ZBTB25: variants seen among roughly 807,000 people sequenced by gnomAD.
ZBTB25 encodes zinc finger and BTB domain-containing protein 25.
In ZBTB25, 20 loss-of-function variants were observed where a neutral mutation model predicts 34.2. The ratio of observed to expected loss-of-function variants is 0.58; its 90% CI spans 0.41 to 0.85. The LOEUF (loss-of-function observed/expected upper bound fraction) is 0.85. ZBTB25 is among the 40% of genes least tolerant of loss of function. The pLI, the probability that ZBTB25 is intolerant of heterozygous loss-of-function variation, is 0.00. For missense variants in ZBTB25, 437 were observed against 521.8 expected, an observed-to-expected ratio of 0.84 and a Z score of 1.58; for synonymous variants, 175 against 186.4, an observed-to-expected ratio of 0.94 and a Z score of 0.50.
chr14:64,492,776 C>A (rs2079129523), intron 1 of ZBTB25, among the ~76,000 whole-genome samples: 1 of 152,032 alleles, frequency 6.6e-6, no homozygotes, highest in Non-Finnish European at 1.5e-5. Context: ...ACTTATTCAA[C>A]AGATATTTTT....
In ZBTB25 at chr14:64,484,984, A is replaced by G; in HGVS notation, c.*1939T>C. 2.0e-6 allele frequency: 2 copies of G among 984,678 alleles called. No individual in the cohort carries two copies. The highest frequency in any genetic ancestry group is 2.4e-6 in the Non-Finnish European group (2 of 829,204). The allele number at this position is 984,678 out of a possible 1,614,324, so 61.0% of individuals were successfully genotyped here. A position where few individuals can be genotyped will look rare whatever the true frequency, so the allele number is the denominator to read the frequency against. The stretch of plus-strand genomic sequence containing the variant: ...ATTTGTTTTAATTACTCCCAATACA[A>G]TTGATCTTATCAAGTTAGATGTGCT... On this transcript the variant is annotated 3_prime_UTR_variant, in exon 3 of 3. Coordinates refer to ENST00000608382, the MANE Select transcript of ZBTB25 (RefSeq NM_006977.5).
chr14:64,463,176 T>G (rs2078572187), intron 2 of ZBTB25: 1 of 151,314 alleles, frequency 6.6e-6, no homozygotes, highest in African/African-American at 2.4e-5. Flanking sequence ...GTCACTTACC[T>G]GAATTCAGGA....
At chr14:64,503,251 G>A (rs769125303) in intron 1 of ZBTB25, 17 of 985,314 alleles carry the variant, frequency 1.7e-5, no homozygotes, top group Non-Finnish European at 2.0e-5. Flanking sequence ...AACAGTAGCC[G>A]CAGCGTCCTC....
intron 1 of ZBTB25, among the ~76,000 whole-genome samples, chr14:64,500,700 C>T (rs1596663274): frequency 6.6e-6 from 1 of 151,840 alleles, no homozygotes; most frequent in East Asian, 1.9e-4. Flanking sequence ...GAGGCTGAGG[C>T]AGAAGAATTG....
exon 3 of ZBTB25, chr14:64,449,318 A>T: frequency 1.8e-6 from 2 of 1,138,124 alleles, no homozygotes; most frequent in Non-Finnish European, 2.6e-6. Context: ...ATTCAAACCC[A>T]GGCCAAATTT....
intron 1 of ZBTB25, among the ~76,000 whole-genome samples, chr14:64,500,943 C>T (rs947534481): frequency 2.0e-5 from 3 of 152,046 alleles, no homozygotes; most frequent in Admixed American, 1.3e-4. Flanking sequence ...CCCAGCTACT[C>T]GGGAGGCTGA....
intron 1 of ZBTB25, among the ~76,000 whole-genome samples, chr14:64,491,704 G>A (rs900218362): frequency 1.3e-5 from 2 of 152,152 alleles, no homozygotes; most frequent in African/African-American, 4.8e-5. Flanking sequence ...CTACTGTGGA[G>A]AGAGCCCTGG....
intron 2 of ZBTB25, among the ~76,000 whole-genome samples, chr14:64,489,116 C>T (rs1359492816): frequency 4.0e-5 from 6 of 151,818 alleles, no homozygotes; most frequent in South Asian, 4.2e-4. Context: ...GGTGTGGTGG[C>T]GCACACCTGT....
At chr14:64,451,094 G>A (rs998060598) in intron 2 of ZBTB25, among the ~76,000 whole-genome samples, 2 of 152,000 alleles carry the variant, frequency 1.3e-5, no homozygotes, top group East Asian at 2.0e-4. Context: ...GCTTGAACCC[G>A]GGAGGCGGAC....
chr14:64,454,780 C>A, intron 2 of ZBTB25: 1 of 1,614,004 alleles, frequency 6.2e-7, no homozygotes, highest in Non-Finnish European at 8.5e-7. Context: ...GTCTCACAAC[C>A]CAGAGCAAAA....
upstream of ZBTB25, chr14:64,504,773 G>C (rs2079611844): frequency 2.6e-6 from 1 of 378,878 alleles, no homozygotes; most frequent in Non-Finnish European, 4.7e-6. Context: ...GTCCTTTGTT[G>C]CAGCACAGTC....
intron 2 of ZBTB25, chr14:64,453,671 T>G: frequency 1.2e-6 from 1 of 806,978 alleles, no homozygotes; most frequent in Non-Finnish European, 2.2e-6. Context: ...TTAGGGACTC[T>G]GACCTAGAAT....
intron 2 of ZBTB25, chr14:64,468,883 A>G: frequency 5.6e-6 from 9 of 1,614,186 alleles, no homozygotes; most frequent in South Asian, 1.1e-5. Context: ...TTTTGGATAT[A>G]CAAACACAGA....
At chr14:64,500,723 A>G (rs1374737175) in intron 1 of ZBTB25, among the ~76,000 whole-genome samples, 2 of 151,910 alleles carry the variant, frequency 1.3e-5, no homozygotes, top group African/African-American at 2.4e-5. Flanking sequence ...AATAAGGGGG[A>G]AAAACTCAAA....
Position 64,482,818 on chromosome 14 carries a change from T to A in ZBTB25, c.*4105A>T, listed in dbSNP as rs969430103. On this transcript the variant is annotated 3_prime_UTR_variant, in exon 3 of 3. Transcript: ENST00000608382. ...AGCTACAGAATAAATGTCGTTTATA[T>A]GGTTGATTTTAATCAATAATACTGA... The A allele has an allele frequency of 2.0e-5, 3 of 152,246 alleles. No individual in the cohort carries two copies. Among genetic ancestry groups the A allele is most frequent in the African/African-American group, 7.2e-5 (3 of 41,458 alleles). The allele number at this position is 152,246 out of a possible 1,614,324, so 9.4% of individuals were successfully genotyped here.
At chr14:64,463,437 A>T (rs2078577043) in intron 2 of ZBTB25, 1 of 152,062 alleles carries the variant, frequency 6.6e-6, no homozygotes, top group African/African-American at 2.4e-5. Flanking sequence ...AATACTAAAT[A>T]AATTCATCTC....
At position 64,480,648 on chromosome 14, in the gene ZBTB25, A is replaced by G. The variant is rs2078776372; in HGVS notation, c.*6275T>C. The G allele has an allele frequency of 6.4e-6, 1 of 156,534 alleles. No individual in the cohort carries two copies. Among genetic ancestry groups the G allele is most frequent in the African/African-American group, 2.4e-5 (1 of 41,480 alleles). 9.7% of individuals were successfully genotyped at this position (156,534 alleles called of 1,614,324 possible). A position where few individuals can be genotyped will look rare whatever the true frequency, so the allele number is the denominator to read the frequency against. ...TTAAGTCACATTAATTTGTCTTGATAAAATATATGAAATTCATTGTTTCTT... is the reference window on the plus strand; with the variant it reads ...TTAAGTCACATTAATTTGTCTTGATGAAATATATGAAATTCATTGTTTCTT... On this transcript the variant is annotated 3_prime_UTR_variant, in exon 3 of 3. Coordinates refer to ENST00000608382, the MANE Select transcript of ZBTB25 (RefSeq NM_006977.5).
upstream of ZBTB25, chr14:64,504,812 G>A: frequency 2.6e-6 from 1 of 389,358 alleles, no homozygotes; most frequent in Non-Finnish European, 4.5e-6. Context: ...TCTCCGCGCA[G>A]CCCAGCCCGA....
chr14:64,450,103 A>G (rs2078346521), intron 2 of ZBTB25, among the ~76,000 whole-genome samples: 1 of 152,208 alleles, frequency 6.6e-6, no homozygotes, highest in Non-Finnish European at 1.5e-5. Context: ...CAGCCTTCTT[A>G]TAAACATATG....
Sources: gnomAD v4.1 joint callset for allele counts (sites outside exome capture counted in the v4.1 genomes callset) on GRCh38, gnomAD v4.1.1 for gene constraint, MANE v1.5 for transcripts, NCBI Gene and HGNC (gene_info 2026-07-23, HGNC 2026-07-21) for gene names.